The following SLC17A8 variants were observed in gnomAD, a reference collection of about 807,000 sequenced individuals.
The protein encoded by SLC17A8 is vesicular glutamate transporter 3.
SLC17A8 carries 31 observed loss-of-function variants against 58.0 expected under a neutral mutation model. That is an observed-to-expected ratio of 0.53 (90% confidence interval 0.40 to 0.72). The LOEUF (loss-of-function observed/expected upper bound fraction) is 0.72, where lower values mean the gene tolerates loss of function less well. SLC17A8 is among the 30% of genes least tolerant of loss of function. SLC17A8 has a pLI of 0.00. For missense variants in SLC17A8, 655 were observed against 727.8 expected, an observed-to-expected ratio of 0.90 and a Z score of 1.15; for synonymous variants, 228 against 249.0, an observed-to-expected ratio of 0.92 and a Z score of 0.79.
rs572411216 is a variant in SLC17A8 at position 100,416,682 on chromosome 12, G to A, written c.1298-1347G>A. On this transcript the variant is annotated intron_variant, in intron 10 of 11. Transcript: ENST00000323346. ...ACTATTTATTGAGTGACTACAATGT[G>A]CCAGGCACTTTGCTAGTTCAGGGGA... is the stretch of plus-strand genomic sequence containing the variant. Among the ~76,000 whole-genome samples the A allele has an allele frequency of 5.3e-5, 8 of 152,288 alleles. No homozygotes were observed. In the South Asian group the frequency reaches 1.7e-3, roughly 32 times the overall value.
chr12:100,410,147 G>A (rs562056275), intron 9 of SLC17A8, among the ~76,000 whole-genome samples: 1 of 152,154 alleles, frequency 6.6e-6, no homozygotes, highest in East Asian at 1.9e-4. Flanking sequence ...ATCACCTGAG[G>A]TCAGAAGTTG....
chr12:100,417,305 G>T (rs1016192842), intron 10 of SLC17A8, among the ~76,000 whole-genome samples: 3 of 152,200 alleles, frequency 2.0e-5, no homozygotes, highest in African/African-American at 7.2e-5. Context: ...GCATAGCTTT[G>T]ATATTTGCCA....
In SLC17A8 at chr12:100,418,161, A is replaced by T; in HGVS notation, c.1425+5A>T. 6.2e-7 allele frequency: 1 copy of T among 1,614,096 alleles called. No homozygotes were observed. Among genetic ancestry groups the T allele is most frequent in the Non-Finnish European group, 8.5e-7 (1 of 1,179,990 alleles). On this transcript the variant is annotated splice_donor_5th_base_variant and intron_variant, in intron 11 of 11. Coordinates refer to ENST00000323346, the MANE Select transcript of SLC17A8 (RefSeq NM_139319.3). ...GGTGCAATGACCAGGCACAAGGTAA[A>T]GGTCTCCTTTGTGGCTATGGGTTAC...
intron 9 of SLC17A8, among the ~76,000 whole-genome samples, chr12:100,407,416 T>C (rs1306705340): frequency 6.6e-6 from 1 of 152,198 alleles, no homozygotes; most frequent in Non-Finnish European, 1.5e-5. Flanking sequence ...TTATGTTATG[T>C]TGTGGTGATG....
At chr12:100,387,840 C>T (rs1952686961) in intron 2 of SLC17A8, among the ~76,000 whole-genome samples, 1 of 152,180 alleles carries the variant, frequency 6.6e-6, no homozygotes, top group East Asian at 1.9e-4. Context: ...TCCTCATTTG[C>T]AATTACCTCT....
At chr12:100,411,892 T>C (rs1233782336) in intron 9 of SLC17A8, among the ~76,000 whole-genome samples, 1 of 152,024 alleles carries the variant, frequency 6.6e-6, no homozygotes, top group Non-Finnish European at 1.5e-5. Context: ...AACTTTGAAA[T>C]AGAAAAATTT....
intron 1 of SLC17A8, among the ~76,000 whole-genome samples, chr12:100,358,880 G>A (rs140500534): frequency 2.5e-3 from 379 of 152,284 alleles, no homozygotes; most frequent in African/African-American, 8.7e-3. Context: ...AGTGGCTCAC[G>A]CCTGTAATCC....
At chr12:100,381,365 A>G (rs1952636238) in intron 2 of SLC17A8, among the ~76,000 whole-genome samples, 1 of 152,186 alleles carries the variant, frequency 6.6e-6, no homozygotes, top group Non-Finnish European at 1.5e-5. Flanking sequence ...TCATGGAGAC[A>G]AGTAAGTGAT....
intron 2 of SLC17A8, among the ~76,000 whole-genome samples, chr12:100,385,116 C>CTG (rs373349125): frequency 0.05 from 7,508 of 148,774 alleles, 240 homozygotes; most frequent in Non-Finnish European, 0.064. Flanking sequence ...CTCTCTCTCT[C>CTG]TGTGTGTGTG....
rs115800732 is a variant in SLC17A8, at chr12:100,396,712, C to T, written c.676+295C>T. On this transcript the variant is annotated intron_variant, in intron 5 of 11. Coordinates refer to ENST00000323346, the MANE Select transcript of SLC17A8 (RefSeq NM_139319.3). ...CTGCATTAAGCTATGATGGCCACAG[C>T]ACTCCAGCCTGAGTGACAGAGTGAG... Among the ~76,000 whole-genome samples, 665 of 152,134 alleles carry T rather than the reference C, an allele frequency of 4.4e-3. 6 individuals carry two copies. Among genetic ancestry groups the T allele is most frequent in the African/African-American group, 0.015 (625 of 41,482 alleles).
intron 10 of SLC17A8, among the ~76,000 whole-genome samples, chr12:100,416,422 G>A (rs1411561124): frequency 6.6e-6 from 1 of 152,116 alleles, no homozygotes; most frequent in Non-Finnish European, 1.5e-5. Context: ...GAAAGATAAG[G>A]TATGTTTATT....
intron 9 of SLC17A8, among the ~76,000 whole-genome samples, chr12:100,412,071 A>G (rs1358582400): frequency 6.6e-6 from 1 of 152,188 alleles, no homozygotes; most frequent in Non-Finnish European, 1.5e-5. Flanking sequence ...AATCATTACC[A>G]CAGTTATATA....
intron 1 of SLC17A8, among the ~76,000 whole-genome samples, chr12:100,380,025 C>A (rs374153400): frequency 6.6e-6 from 1 of 151,930 alleles, no homozygotes; most frequent in Non-Finnish European, 1.5e-5. Flanking sequence ...ATGGAGAAAC[C>A]CCGTCTCTAC....
intron 5 of SLC17A8, among the ~76,000 whole-genome samples, chr12:100,400,132 C>T (rs1952781163): frequency 6.6e-6 from 1 of 152,150 alleles, no homozygotes; most frequent in Non-Finnish European, 1.5e-5. Flanking sequence ...TGGGGTTATT[C>T]TCTACCTGCC....
chr12:100,384,277 A>G (rs1416310054), intron 2 of SLC17A8, among the ~76,000 whole-genome samples: 1 of 152,078 alleles, frequency 6.6e-6, no homozygotes, highest in Non-Finnish European at 1.5e-5. Flanking sequence ...TTGCGAAGAA[A>G]TGTGCAGTGA....
intron 2 of SLC17A8, among the ~76,000 whole-genome samples, chr12:100,389,684 G>T (rs974069413): frequency 6.6e-6 from 1 of 151,420 alleles, no homozygotes; most frequent in Admixed American, 6.6e-5. Context: ...CCACTGGAGT[G>T]CAGTGTGTGT....
chr12:100,357,268 C>T lies in SLC17A8; in HGVS notation c.-124C>T, dbSNP rs746187647. The T allele has an allele frequency of 2.0e-5, 15 of 757,038 alleles. No individual in the cohort carries two copies. Among genetic ancestry groups the T allele is most frequent in the Non-Finnish European group, 3.7e-5 (15 of 410,470 alleles). The allele number at this position is 757,038 out of a possible 1,614,324, so 46.9% of individuals were successfully genotyped here. On this transcript the variant is annotated 5_prime_UTR_variant, in exon 1 of 12. Coordinates refer to ENST00000323346, the MANE Select transcript of SLC17A8 (RefSeq NM_139319.3). ...CTCCTTTTTGATTTTGAGTAGTTCC[C>T]TCCACGAGAACTGACTTCCAGGTGT...
At chr12:100,360,462 T>C (rs1383333458) in intron 1 of SLC17A8, among the ~76,000 whole-genome samples, 1 of 152,112 alleles carries the variant, frequency 6.6e-6, no homozygotes, top group South Asian at 2.1e-4. Flanking sequence ...TGGGATAGGG[T>C]CTCACTCTGT....
Position 100,402,411 on chromosome 12 carries a change from A to G in SLC17A8, c.835A>G (p.Ile279Val). The G allele has an allele frequency of 6.2e-7, 1 of 1,614,150 alleles. No individual in the cohort carries two copies. The highest frequency in any genetic ancestry group is 1.1e-5 in the South Asian group (1 of 91,078). The change falls in exon 7 of 12, where the codon ATA becomes GTA. Residue 279 changes from isoleucine (I) to valine (V), a missense_variant. Physicochemically the swap from Ile to Val is conservative, Grantham distance 29. Transcript: ENST00000323346. ...AYECPAAHPT[I>V]SNEEKTYIET... ...TGAGTGCCCAGCAGCTCATCCAACA[A>G]TATCCAATGAGGAGAAGACCTATAT...
Sources: gnomAD v4.1 joint callset for allele counts (sites outside exome capture counted in the v4.1 genomes callset) on GRCh38, gnomAD v4.1.1 for gene constraint, MANE v1.5 for transcripts, NCBI Gene and HGNC (gene_info 2026-07-23, HGNC 2026-07-21) for gene names.